The following VSTM2A variants were observed in gnomAD, a reference collection of about 807,000 sequenced individuals.
VSTM2A encodes the protein V-set and transmembrane domain containing 2A.
Under a neutral mutation model 27.3 loss-of-function variants are expected in VSTM2A, and 13 were observed. That is an observed-to-expected ratio of 0.48 (90% CI 0.31 to 0.76). The LOEUF is 0.76. Among genes scored for constraint, VSTM2A ranks in the 30% least tolerant of loss-of-function variants. VSTM2A has a pLI of 0.05. For synonymous variants in VSTM2A, 142 were observed against 125.7 expected, an observed-to-expected ratio of 1.13 and a Z score of -0.87; for missense variants, 280 against 310.0, an observed-to-expected ratio of 0.90 and a Z score of 0.73.
chr7:54,567,237 G>C (rs1788753056), intron 4 of VSTM2A, among the ~76,000 whole-genome samples: 1 of 152,156 alleles, frequency 6.6e-6, no homozygotes, highest in Non-Finnish European at 1.5e-5. Context: ...AAATATGCTA[G>C]TAAATGCATG....
At chr7:54,549,809 GT>G (rs200079019) in intron 3 of VSTM2A, 24 bp from the exon 4 acceptor site, 23 of 1,545,458 alleles carry the variant, frequency 1.5e-5, no homozygotes, top group South Asian at 3.8e-5. Context: ...GCACTTTATT[GT>G]TTTTTTTACC....
rs1325269003 is a variant in VSTM2A at position 54,546,963 on chromosome 7, A to C, written c.263A>C (p.Asp88Ala). 14 of 1,596,358 alleles carry C rather than the reference A, an allele frequency of 8.8e-6. No individual in the cohort carries two copies. In the Admixed American group the frequency reaches 2.4e-4, roughly 27 times the overall value. ...TGCCCGCAGGTGGAGCTCTTGCCCG[A>C]CAGAGACCCGGACAGCGACGGGACC... is the stretch of plus-strand genomic sequence containing the variant. ...GAGAQVELLP[D>A]RDPDSDGTKI... is the part of the protein sequence containing the mutation. The change falls in exon 3 of 5, where the codon GAC (aspartate) becomes GCC (alanine). Residue 88 changes from aspartate (D) to alanine (A), a missense_variant. Physicochemically the swap from Asp to Ala is moderately radical, Grantham distance 126. Transcript: ENST00000402613.
chr7:54,548,644 TAGG>T (rs1437185893), intron 3 of VSTM2A, among the ~76,000 whole-genome samples: 1 of 152,214 alleles, frequency 6.6e-6, no homozygotes, highest in African/African-American at 2.4e-5. Context: ...CAAACTTTGT[TAGG>T]AGATTTAACC....
chr7:54,562,025 A>C (rs1217116754), intron 4 of VSTM2A, among the ~76,000 whole-genome samples: 1 of 152,076 alleles, frequency 6.6e-6, no homozygotes, highest in Non-Finnish European at 1.5e-5. Context: ...CCCGGGTTCA[A>C]ACAGTTCTCT....
At chr7:54,558,633 A>C (rs1344918693) in intron 4 of VSTM2A, 1 of 152,170 alleles carries the variant, frequency 6.6e-6, no homozygotes, top group African/African-American at 2.4e-5. Context: ...AGAAACAGAA[A>C]TATGAATAGA....
intron 4 of VSTM2A, among the ~76,000 whole-genome samples, chr7:54,556,024 G>A (rs539939279): frequency 6.6e-6 from 1 of 152,230 alleles, no homozygotes; most frequent in East Asian, 1.9e-4. Context: ...GCTTTTTGAA[G>A]TTTTTCAGGG....
At chr7:54,543,708 C>T (rs1480385276) in intron 1 of VSTM2A, among the ~76,000 whole-genome samples, 1 of 152,132 alleles carries the variant, frequency 6.6e-6, no homozygotes, top group Non-Finnish European at 1.5e-5. Flanking sequence ...TTTCCACTGG[C>T]CATACAAATC....
At chr7:54,564,891 A>G (rs894482860) in intron 4 of VSTM2A, among the ~76,000 whole-genome samples, 1 of 152,250 alleles carries the variant, frequency 6.6e-6, no homozygotes, top group African/African-American at 2.4e-5. Flanking sequence ...AATTTGGTAC[A>G]TTACAAAGAA....
intron 3 of VSTM2A, 109 bp downstream of exon 3, chr7:54,547,106 G>A (rs1788027403): frequency 3.0e-6 from 4 of 1,334,764 alleles, no homozygotes; most frequent in South Asian, 3.0e-5. Context: ...GGACAGCCGG[G>A]TGCCCCTTGC....
At chr7:54,565,800 T>C (rs1291346655) in intron 4 of VSTM2A, among the ~76,000 whole-genome samples, 1 of 152,264 alleles carries the variant, frequency 6.6e-6, no homozygotes, top group Non-Finnish European at 1.5e-5. Flanking sequence ...ATTTCTGTTA[T>C]TCTCTGAAAT....
intron 1 of VSTM2A, among the ~76,000 whole-genome samples, chr7:54,544,182 A>C (rs1301603090): frequency 6.6e-6 from 1 of 152,220 alleles, no homozygotes; most frequent in Admixed American, 6.5e-5. Context: ...GATAATCATG[A>C]TCTACTCTGT....
chr7:54,553,100 G>A (rs1005388970), intron 4 of VSTM2A, among the ~76,000 whole-genome samples: 3 of 152,146 alleles, frequency 2.0e-5, no homozygotes, highest in Admixed American at 2.0e-4. Flanking sequence ...GAAGAAGATG[G>A]AAAAGATAGT....
At chr7:54,556,031 A>T (rs1239252540) in intron 4 of VSTM2A, among the ~76,000 whole-genome samples, 1 of 152,208 alleles carries the variant, frequency 6.6e-6, no homozygotes, top group Non-Finnish European at 1.5e-5. Flanking sequence ...GAAGTTTTTC[A>T]GGGTAAAAAA....
chr7:54,547,057 G>A (rs2115789734), intron 3 of VSTM2A, 60 bp downstream of exon 3: 3 of 1,498,750 alleles, frequency 2.0e-6, no homozygotes, highest in Middle Eastern at 1.8e-4. Flanking sequence ...GCCCTTCCCT[G>A]TCCCCGAGAA....
chr7:54,546,908 G>A, intron 2 of VSTM2A, 39 bp from the exon 3 acceptor site: 1 of 1,595,692 alleles, frequency 6.3e-7, no homozygotes. Context: ...TGGTCGGGCG[G>A]GCCTGGCGCG....
Position 54,549,855 on chromosome 7 carries a change from G to A in VSTM2A, c.319G>A (p.Asp107Asn). The A allele has an allele frequency of 3.7e-6, 6 of 1,602,456 alleles. No individual in the cohort carries two copies. The highest frequency in any genetic ancestry group is 5.1e-6 in the Non-Finnish European group (6 of 1,173,976). Residue 107 changes from aspartate to asparagine, a missense_variant, in exon 4 of 5, where the codon GAC (aspartate) becomes AAC (asparagine). Coordinates refer to ENST00000402613, the MANE Select transcript of VSTM2A (RefSeq NM_001301009.2). ...KISTVKVQGNDISHKLQISKV... is the reference protein window; with the variant it reads ...KISTVKVQGNNISHKLQISKV... ...TCAGACAGTGAAAGTCCAAGGCAAT[G>A]ACATCTCCCACAAGCTTCAGATTTC...
At chr7:54,549,450 A>G (rs1788109293) in intron 3 of VSTM2A, among the ~76,000 whole-genome samples, 1 of 152,206 alleles carries the variant, frequency 6.6e-6, no homozygotes, top group Non-Finnish European at 1.5e-5. Flanking sequence ...GCCCACAGGG[A>G]AGAAAAGAGG....
chr7:54,564,181 T>C (rs990145748), intron 4 of VSTM2A, among the ~76,000 whole-genome samples: 16 of 152,240 alleles, frequency 1.1e-4, no homozygotes, highest in African/African-American at 3.9e-4. Flanking sequence ...CTGTTGCTAC[T>C]TTTACTATTG....
intron 4 of VSTM2A, chr7:54,559,127 A>C (rs1788468962): frequency 6.6e-6 from 1 of 152,118 alleles, no homozygotes. Context: ...ATTAAGATAA[A>C]AGTATAAACT....
Sources: allele counts gnomAD v4.1 joint callset (sites outside exome capture counted in the v4.1 genomes callset), GRCh38; gene constraint gnomAD v4.1.1; transcripts MANE v1.5; gene names NCBI Gene and HGNC (gene_info 2026-07-23, HGNC 2026-07-21).